The following DST variants were observed in gnomAD, a reference collection of about 807,000 sequenced individuals.
DST encodes the protein bullous pemphigoid antigen.
Under a neutral mutation model 875.2 loss-of-function variants are expected in DST, and 253 were observed. That is an observed-to-expected ratio of 0.29 (90% CI 0.26 to 0.32). The LOEUF (loss-of-function observed/expected upper bound fraction) is 0.32, where lower values mean the gene tolerates loss of function less well. Ranked by LOEUF, DST falls within the 10% of genes least tolerant of loss-of-function variation. The probability of loss-of-function intolerance (pLI) is 1.00; values close to 1 mark genes in which losing one functional copy is unlikely to be tolerated. For missense variants in DST, 8,287 were observed against 9,111.6 expected (o/e 0.91, Z 3.68); for synonymous variants, 3,124 against 3,197.1 (o/e 0.98, Z 0.77).
chr6:56,640,824 G>A (rs1475588345), intron 17 of DST, among the ~76,000 whole-genome samples: 1 of 152,108 alleles, frequency 6.6e-6, no homozygotes, highest in Non-Finnish European at 1.5e-5. Flanking sequence ...CAATTTTTCA[G>A]TATGCCTAAA....
intron 4 of DST, among the ~76,000 whole-genome samples, chr6:56,786,827 CCTTTTTAA>C (rs2099706411): frequency 6.6e-6 from 1 of 152,148 alleles, no homozygotes; most frequent in Non-Finnish European, 1.5e-5. Flanking sequence ...AACCCCAATA[CCTTTTTAA>C]CCCAAGAAGA....
At chr6:56,689,360 G>A (rs573400140) in intron 9 of DST, among the ~76,000 whole-genome samples, 1 of 152,104 alleles carries the variant, frequency 6.6e-6, no homozygotes, top group African/African-American at 2.4e-5. Flanking sequence ...CTGCCTGCCA[G>A]GCCCGTAGTC....
chr6:56,680,282 A>AT (rs1405764770), intron 9 of DST, among the ~76,000 whole-genome samples: 3 of 152,098 alleles, frequency 2.0e-5, no homozygotes, highest in African/African-American at 7.2e-5. Context: ...TCATAACTCT[A>AT]TTTTTCCAAT....
At position 56,640,565 on chromosome 6, in the gene DST, C is replaced by T. The variant is rs561366949; in HGVS notation, c.2068G>A (p.Glu690Lys). The change falls in exon 18 of 104, where the codon GAA (glutamate) becomes AAA (lysine). Residue 690 changes from glutamate (E) to lysine (K), a missense_variant. Coordinates refer to ENST00000680361, the MANE Select transcript of DST (RefSeq NM_001374736.1). The stretch of plus-strand genomic sequence containing the variant: ...CCTTTGCTGTACACAGAAGAACATT[C>T]GTTCCTTAAGGCCATAATTTCGTCA... The part of the protein sequence containing the change: ...LRDEIMALRN[E>K]CSSVYSKGRI... 1.4e-5 allele frequency: 22 copies of T among 1,614,186 alleles called. No individual in the cohort carries two copies. The highest frequency in any genetic ancestry group is 1.3e-4 in the South Asian group (12 of 91,082).
In DST at chr6:56,597,944, C is replaced by T. The variant is rs1317234988; in HGVS notation, c.11991G>A (p.Leu3997=). ...KTKIENLLDW[L]SNVDKDSERA... The stretch of plus-strand genomic sequence containing the variant: ...TTTCTGAGTCTTTGTCAACATTTGA[C>T]AACCAGTCCAAAAGGTTTTCTATTT... Residue 3997 remains leucine, a synonymous_variant, in exon 47 of 104, where the codon TTG becomes TTA. Coordinates refer to ENST00000680361, the MANE Select transcript of DST (RefSeq NM_001374736.1). The T allele has an allele frequency of 1.2e-6, 2 of 1,613,568 alleles. No homozygotes were observed. The highest frequency in any genetic ancestry group is 1.7e-6 in the Non-Finnish European group (2 of 1,179,672).
rs565259165 is a variant in DST at position 56,471,366 on chromosome 6, A to G, written c.22159-98T>C. ...TTTGAAATGATTCTCTAGGTAGTAC[A>G]CATATCCTTCCCATTTCAAAAAGAG... On this transcript the variant is annotated intron_variant, in intron 94 of 103. Transcript: ENST00000680361. 47 of 842,150 alleles carry G rather than the reference A, an allele frequency of 5.6e-5. No individual in the cohort carries two copies. The African/African-American group carries it at 5.9e-4, about 11-fold the overall frequency. 52.2% of individuals were successfully genotyped at this position (842,150 alleles called of 1,614,324 possible).
chr6:56,505,964 A>G (rs759570458), intron 77 of DST, among the ~76,000 whole-genome samples: 3 of 152,200 alleles, frequency 2.0e-5, no homozygotes, highest in Non-Finnish European at 4.4e-5. Context: ...GACCTAATAG[A>G]AATCTATTTT....
chr6:56,537,792 T>C (rs1437089474), intron 61 of DST, among the ~76,000 whole-genome samples: 6 of 152,206 alleles, frequency 3.9e-5, no homozygotes, highest in African/African-American at 1.4e-4. Context: ...TAGATTAAAA[T>C]ACAAGTGCCA....
chr6:56,641,348 A>G (rs1192302324), intron 17 of DST, among the ~76,000 whole-genome samples: 1 of 152,142 alleles, frequency 6.6e-6, no homozygotes, highest in African/African-American at 2.4e-5. Context: ...GCATTTTGGG[A>G]GGCTGAGGCA....
chr6:56,531,812 T>C (rs1338936523), intron 64 of DST, among the ~76,000 whole-genome samples: 2 of 152,272 alleles, frequency 1.3e-5, no homozygotes, highest in African/African-American at 4.8e-5. Flanking sequence ...CTAGCCTTCA[T>C]GAAGTTAGAG....
At chr6:56,585,322 G>T (rs1422436342) in intron 49 of DST, among the ~76,000 whole-genome samples, 1 of 151,194 alleles carries the variant, frequency 6.6e-6, no homozygotes, top group Non-Finnish European at 1.5e-5. Context: ...TTTAGTCTTG[G>T]GAGAGTGTAT....
intron 4 of DST, among the ~76,000 whole-genome samples, chr6:56,812,999 GATAGA>G (rs1321562450): frequency 1.3e-5 from 2 of 151,868 alleles, no homozygotes. Flanking sequence ...GTCCAACAAT[GATAGA>G]CTGGATTAAG....
intron 24 of DST, 55 bp downstream of exon 24, chr6:56,635,534 C>T (rs2098816570): frequency 2.5e-6 from 4 of 1,575,672 alleles, no homozygotes; most frequent in Non-Finnish European, 3.5e-6. Context: ...TCATATAAAA[C>T]ACTAATCTAA....
chr6:56,754,853 A>G (rs2099597692), intron 4 of DST, among the ~76,000 whole-genome samples: 1 of 152,176 alleles, frequency 6.6e-6, no homozygotes, highest in Non-Finnish European at 1.5e-5. Flanking sequence ...TCTTTAGTTC[A>G]TAAGTCCTGA....
At chr6:56,914,573 A>G (rs893769281) in intron 2 of DST, among the ~76,000 whole-genome samples, 1 of 152,022 alleles carries the variant, frequency 6.6e-6, no homozygotes, top group Non-Finnish European at 1.5e-5. Context: ...TGCTTCCCTC[A>G]CTATTTTAGG....
In DST at chr6:56,630,331, C is replaced by T. The variant is rs369090082; in HGVS notation, c.4195G>A (p.Val1399Ile). 25 of 1,612,668 alleles carry T rather than the reference C, an allele frequency of 1.6e-5. No individual in the cohort carries two copies. Among genetic ancestry groups the T allele is most frequent in the African/African-American group, 4.0e-5 (3 of 74,872 alleles). The change falls in exon 31 of 104, where the codon GTA (valine) becomes ATA (isoleucine). Residue 1399 changes from valine (V) to isoleucine (I), a missense_variant. Val to Ile is a conservative substitution (Grantham distance 29, BLOSUM62 3). Around this residue, in one of 10 missense-constraint regions of DST, gnomAD observed 3,138 missense variants for 3,116.6 expected, o/e 1.01. Transcript: ENST00000680361. ...CACAGTTTAGTTTCATAGAGTTTTACGAGGGCTTCTGCAGCTTGAGTGTTT... is the reference window on the plus strand; with the variant it reads ...CACAGTTTAGTTTCATAGAGTTTTATGAGGGCTTCTGCAGCTTGAGTGTTT... Reference protein sequence around the residue: ...LKNTQAAEALVKLYETKLCEE... With the variant: ...LKNTQAAEALIKLYETKLCEE...
In DST at chr6:56,614,415, T is replaced by C. The variant is rs756231158; in HGVS notation, c.4999A>G (p.Ile1667Val). Residue 1667 changes from isoleucine (I) to valine (V), a missense_variant, in exon 37 of 104, where the codon ATC becomes GTC. Coordinates refer to ENST00000680361, the MANE Select transcript of DST (RefSeq NM_001374736.1). ...AKELQKWVSN[I>V]SKTLKDAEKA... is the part of the protein sequence containing the mutation. Reference sequence around the variant, plus strand: ...TCTGCATCTTTCAATGTCTTGCTGATATTTGATACCCATTTTTGCAATTCT... The same window carrying C: ...TCTGCATCTTTCAATGTCTTGCTGACATTTGATACCCATTTTTGCAATTCT... The C allele has an allele frequency of 3.7e-5, 59 of 1,611,862 alleles. No homozygotes were observed. Among genetic ancestry groups the C allele is most frequent in the Non-Finnish European group, 4.1e-5 (48 of 1,178,990 alleles).
chr6:56,677,583 T>TTC (rs1234705498), intron 9 of DST, among the ~76,000 whole-genome samples: 2 of 152,234 alleles, frequency 1.3e-5, no homozygotes, highest in African/African-American at 2.4e-5. Flanking sequence ...GTGCTGGGAT[T>TTC]ATAGGCATGA....
At chr6:56,692,803 A>G (rs919666769) in intron 9 of DST, 5 of 1,289,802 alleles carry the variant, frequency 3.9e-6, no homozygotes, top group Non-Finnish European at 5.1e-6. Context: ...CCAACTGCTT[A>G]CAGCACTCGG....
Sources: gnomAD v4.1 joint callset for allele counts (sites outside exome capture counted in the v4.1 genomes callset) on GRCh38, gnomAD v4.1.1 for gene constraint, gnomAD v4.1.1 regional missense constraint, MANE v1.5 for transcripts, NCBI Gene and HGNC (gene_info 2026-07-23, HGNC 2026-07-21) for gene names.